CCDC186: variants seen among roughly 807,000 people sequenced by gnomAD.
CCDC186 encodes coiled-coil domain containing 186.
Under a neutral mutation model 113.7 loss-of-function variants are expected in CCDC186, and 49 were observed. The observed-to-expected ratio is 0.43, with a 90% CI of 0.34 to 0.55. The LOEUF is 0.55. Ranked by LOEUF, CCDC186 falls within the 20% of genes least tolerant of loss-of-function variation. The probability of loss-of-function intolerance (pLI) is 0.02; values close to 1 mark genes in which losing one functional copy is unlikely to be tolerated. For synonymous variants in CCDC186, 355 were observed against 345.8 expected (o/e 1.03, Z -0.30); for missense variants, 890 against 1,011.1 (o/e 0.88, Z 1.62).
In CCDC186 at chr10:114,135,947, C is replaced by A; in HGVS notation, c.1456G>T (p.Asp486Tyr). The A allele has an allele frequency of 6.2e-7, 1 of 1,613,144 alleles. No individual in the cohort carries two copies. Among genetic ancestry groups the A allele is most frequent in the Non-Finnish European group, 8.5e-7 (1 of 1,179,532 alleles). Reference sequence around the variant, plus strand: ...CCCTCCTTAAATGTTCTCTTCAGATCTTCTAGTTCCTTTATTTTGGCATGA... The same window carrying A: ...CCCTCCTTAAATGTTCTCTTCAGATATTCTAGTTCCTTTATTTTGGCATGA... The part of the protein sequence containing the change: ...MHHAKIKELE[D>Y]LKRTFKEGMD... Residue 486 changes from aspartate (D) to tyrosine (Y), a missense_variant, in exon 9 of 16, where the codon GAT becomes TAT. Coordinates refer to ENST00000369287, the MANE Select transcript of CCDC186 (RefSeq NM_018017.4).
intron 2 of CCDC186, among the ~76,000 whole-genome samples, chr10:114,159,794 C>CA (rs1231009114): frequency 6.6e-6 from 1 of 151,366 alleles, no homozygotes; most frequent in East Asian, 1.9e-4. Flanking sequence ...ATCTCTAAAA[C>CA]AAAAAAACCA....
chr10:114,145,026 G>C (rs951621635), intron 5 of CCDC186, among the ~76,000 whole-genome samples: 2 of 151,962 alleles, frequency 1.3e-5, no homozygotes, highest in African/African-American at 4.8e-5. Context: ...TATGACCATT[G>C]AGAGGCTGCT....
chr10:114,139,218 G>A (rs544440201), intron 6 of CCDC186, among the ~76,000 whole-genome samples: 6 of 56,028 alleles, frequency 1.1e-4, no homozygotes, highest in African/African-American at 4.5e-4. Context: ...TTTTTTTTTT[G>A]CTGTTCCTCC....
chr10:114,150,803 C>A (rs2031833108), intron 4 of CCDC186, among the ~76,000 whole-genome samples: 1 of 152,110 alleles, frequency 6.6e-6, no homozygotes, highest in South Asian at 2.1e-4. Context: ...GATGCGCCAC[C>A]ACGTCTGGCT....
chr10:114,168,944 T>G (rs2032410319), intron 1 of CCDC186, among the ~76,000 whole-genome samples: 1 of 152,306 alleles, frequency 6.6e-6, no homozygotes. Context: ...AACTAGATGT[T>G]CATTTTTACC....
intron 1 of CCDC186, among the ~76,000 whole-genome samples, chr10:114,170,743 G>A (rs1000854980): frequency 2.6e-5 from 4 of 152,050 alleles, no homozygotes; most frequent in African/African-American, 9.7e-5. Context: ...CCCTGTGGGG[G>A]TATGTTTAGC....
At chr10:114,155,500 C>A (rs931436436) in intron 3 of CCDC186, among the ~76,000 whole-genome samples, 29 of 152,184 alleles carry the variant, frequency 1.9e-4, no homozygotes, top group African/African-American at 6.7e-4. Flanking sequence ...CATGGTGAAA[C>A]CCTGTCTCTA....
intron 14 of CCDC186, among the ~76,000 whole-genome samples, 194 bp from the exon 15 acceptor site, chr10:114,126,299 G>A (rs1399031640): frequency 6.6e-6 from 1 of 152,166 alleles, no homozygotes; most frequent in Non-Finnish European, 1.5e-5. Flanking sequence ...AGCATTCGGA[G>A]TAAAGACATA....
intron 1 of CCDC186, 32 bp from the exon 2 acceptor site, chr10:114,163,361 A>G (rs2032237419): frequency 2.0e-6 from 3 of 1,508,994 alleles, no homozygotes; most frequent in Non-Finnish European, 2.6e-6. Context: ...ATTAAAAACC[A>G]CTTTAAACCA....
chr10:114,148,065 G>A (rs1284216960), intron 4 of CCDC186, among the ~76,000 whole-genome samples: 2 of 152,286 alleles, frequency 1.3e-5, no homozygotes, highest in Non-Finnish European at 2.9e-5. Flanking sequence ...AGCCCAGGAG[G>A]TTGAGGCTGC....
At chr10:114,142,041 CAT>C (rs1443398447) in intron 6 of CCDC186, among the ~76,000 whole-genome samples, 1 of 152,072 alleles carries the variant, frequency 6.6e-6, no homozygotes, top group Non-Finnish European at 1.5e-5. Flanking sequence ...AGTTATAGAA[CAT>C]AGAATATAGT....
At chr10:114,166,269 A>G (rs1300714314) in intron 1 of CCDC186, among the ~76,000 whole-genome samples, 1 of 152,204 alleles carries the variant, frequency 6.6e-6, no homozygotes, top group Non-Finnish European at 1.5e-5. Flanking sequence ...TTACTAGCCC[A>G]ACCAGTCTAA....
chr10:114,162,604 A>G (rs2032206016), intron 2 of CCDC186, 33 bp downstream of exon 2: 3 of 1,401,498 alleles, frequency 2.1e-6, no homozygotes, highest in South Asian at 1.5e-5. Context: ...CCTGTGAGGG[A>G]AAAAAAATAA....
At chr10:114,149,802 A>AAGGC (rs2031785351) in intron 4 of CCDC186, among the ~76,000 whole-genome samples, 4 of 39,668 alleles carry the variant, frequency 1.0e-4, no homozygotes, top group African/African-American at 5.1e-4. Flanking sequence ...GGAAGGAAGG[A>AAGGC]AGGAAGGAAG....
At chr10:114,172,446 C>T (rs535659619) in intron 1 of CCDC186, among the ~76,000 whole-genome samples, 1 of 152,326 alleles carries the variant, frequency 6.6e-6, no homozygotes, top group African/African-American at 2.4e-5. Context: ...GGTGAAAGAA[C>T]TAAAAGGTTA....
chr10:114,165,936 T>C (rs1233338429), intron 1 of CCDC186: 9 of 985,032 alleles, frequency 9.1e-6, no homozygotes, highest in Non-Finnish European at 1.1e-5. Flanking sequence ...GCTTCAACTT[T>C]TCTTCAGAGA....
Position 114,136,214 on chromosome 10 carries a change from A to C in CCDC186, c.1359T>G (p.Asp453Glu). Residue 453 changes from aspartate to glutamate, a missense_variant, in exon 8 of 16, where the codon GAT (aspartate) becomes GAG (glutamate). Physicochemically the swap from Asp to Glu is conservative, Grantham distance 45. Coordinates refer to ENST00000369287, the MANE Select transcript of CCDC186 (RefSeq NM_018017.4). ...CTCCTTTTGTGACTCTAAGCTTTGC[A>C]TCAAGCTCATTTGATTTAATTTCTT... The part of the protein sequence containing the change: ...ESEEIKSNEL[D>E]AKLRVTKGEL... 1 of 1,612,348 alleles carries C rather than the reference A, an allele frequency of 6.2e-7. No individual in the cohort carries two copies. Among genetic ancestry groups the C allele is most frequent in the Non-Finnish European group, 8.5e-7 (1 of 1,179,792 alleles).
chr10:114,173,704 T>C (rs771158210), intron 1 of CCDC186, among the ~76,000 whole-genome samples: 9 of 152,184 alleles, frequency 5.9e-5, no homozygotes, highest in African/African-American at 9.7e-5. Context: ...GCCCAGGCAA[T>C]GGGCTCGAAT....
At position 114,174,040 on chromosome 10, in the gene CCDC186, G is replaced by A; in HGVS notation, c.-87C>T. On this transcript the variant is annotated 5_prime_UTR_variant, in exon 1 of 16. Coordinates refer to ENST00000369287, the MANE Select transcript of CCDC186 (RefSeq NM_018017.4). ...CCCACTTATCCAAGCCTCAGGCCAC[G>A]CCCTAACAAGGCTGCTGGAGCTCTG... 1 of 471,844 alleles carries A rather than the reference G, an allele frequency of 2.1e-6. No homozygotes were observed. The highest frequency in any genetic ancestry group is 4.4e-6 in the Non-Finnish European group (1 of 227,054). The allele number at this position is 471,844 out of a possible 1,614,324, so 29.2% of individuals were successfully genotyped here.
Sources: allele counts gnomAD v4.1 joint callset (sites outside exome capture counted in the v4.1 genomes callset), GRCh38; gene constraint gnomAD v4.1.1; transcripts MANE v1.5; gene names NCBI Gene and HGNC (gene_info 2026-07-23, HGNC 2026-07-21).